The following GIMAP8 variants were observed in gnomAD, a reference collection of about 807,000 sequenced individuals.
GIMAP8 encodes GTPase, IMAP family member 8, also known as GTPase IMAP family member 8.
GIMAP8 carries 29 observed loss-of-function variants against 35.6 expected under a neutral mutation model. The ratio of observed to expected loss-of-function variants is 0.81; its 90% CI spans 0.61 to 1.11. The LOEUF (loss-of-function observed/expected upper bound fraction) is 1.11. Among genes scored for constraint, GIMAP8 ranks in the 50% most tolerant of loss-of-function variants. GIMAP8 has a pLI of 0.00. For synonymous variants in GIMAP8, 335 were observed against 308.7 expected, an observed-to-expected ratio of 1.09 and a Z score of -0.89; for missense variants, 811 against 805.0, an observed-to-expected ratio of 1.01 and a Z score of -0.09.
chr7:150,467,290 G>A lies in GIMAP8; in HGVS notation c.592G>A (p.Gly198Arg), dbSNP rs764523607. 10 of 1,614,142 alleles carry A rather than the reference G, an allele frequency of 6.2e-6. No individual in the cohort carries two copies. The East Asian group carries it at 1.1e-4, about 18-fold the overall frequency. The change falls in exon 2 of 5, where the codon GGA becomes AGA. Residue 198 changes from glycine to arginine, a missense_variant. By Grantham distance (125) the Gly-to-Arg change is moderately radical. Transcript: ENST00000307271. ...TGAGTCTTTGGTGAATACGAACGGA[G>A]GACCCTATCATGTGAACTTCAAAAC... ...KVESLVNTNG[G>R]PYHVNFKTEG...
At chr7:150,474,727 C>CTT (rs367882588) in intron 4 of GIMAP8, 89 bp downstream of exon 4, 21 of 873,612 alleles carry the variant, frequency 2.4e-5, no homozygotes, top group Non-Finnish European at 2.7e-5. Flanking sequence ...TCTTTTTTTT[C>CTT]TTTTTTTTTA....
At position 150,477,786 on chromosome 7, in the gene GIMAP8, C is replaced by G; in HGVS notation, c.*6C>G. ...TAATAGGTATTTTACAATAGGTAGC[C>G]GAAGTGCCTGGGGTCTCTTCAATTA... On this transcript the variant is annotated 3_prime_UTR_variant, in exon 5 of 5. Coordinates refer to ENST00000307271, the MANE Select transcript of GIMAP8 (RefSeq NM_175571.4). 1 of 1,606,996 alleles carries G rather than the reference C, an allele frequency of 6.2e-7. No homozygotes were observed. The highest frequency in any genetic ancestry group is 8.5e-7 in the Non-Finnish European group (1 of 1,175,944).
chr7:150,473,934 G>T, intron 3 of GIMAP8, 78 bp from the exon 4 acceptor site: 1 of 1,441,730 alleles, frequency 6.9e-7, no homozygotes, highest in Non-Finnish European at 9.4e-7. Context: ...AGTTTGCAGG[G>T]ATGAGAAATC....
chr7:150,478,542 A>G lies in GIMAP8; in HGVS notation c.*762A>G, dbSNP rs539807010. On this transcript the variant is annotated 3_prime_UTR_variant, in exon 5 of 5. Transcript: ENST00000307271. ...TCAGAGAATCTTGCAAAGTTCTGTA[A>G]TTCTAAGTGTTGTTCTAGATTTCCT... 2.6e-5 allele frequency: 4 copies of G among 152,354 alleles called. No individual in the cohort carries two copies. Among genetic ancestry groups the G allele is most frequent in the African/African-American group, 9.6e-5 (4 of 41,590 alleles). The allele number at this position is 152,354 out of a possible 1,614,324, so 9.4% of individuals were successfully genotyped here.
chr7:150,478,549 GTGT>G lies in GIMAP8; in HGVS notation c.*774_*776del, dbSNP rs1259653945. The G allele has an allele frequency of 6.6e-6, 1 of 152,332 alleles. No homozygotes were observed. The highest frequency in any genetic ancestry group is 2.4e-5 in the African/African-American group (1 of 41,576). 9.4% of individuals were successfully genotyped at this position (152,332 alleles called of 1,614,324 possible). On this transcript the variant is annotated 3_prime_UTR_variant, in exon 5 of 5. Transcript: ENST00000307271. ...ATCTTGCAAAGTTCTGTAATTCTAA[GTGT>G]TGTTCTAGATTTCCTCTAGAGAAGG...
Position 150,466,747 on chromosome 7 carries a change from G to C in GIMAP8, c.49G>C (p.Gly17Arg). 5 of 1,614,208 alleles carry C rather than the reference G, an allele frequency of 3.1e-6. No individual in the cohort carries two copies. The highest frequency in any genetic ancestry group is 4.2e-6 in the Non-Finnish European group (5 of 1,180,022). Reference sequence around the variant, plus strand: ...GTCCGAACTGCGGCTCCTCCTCCTGGGAAAATGCCGCTCGGGAAAAAGTGC... The same window carrying C: ...GTCCGAACTGCGGCTCCTCCTCCTGCGAAAATGCCGCTCGGGAAAAAGTGC... ...QMSELRLLLL[G>R]KCRSGKSATG... The change falls in exon 2 of 5, where the codon GGA (glycine) becomes CGA (arginine). Residue 17 changes from glycine (G) to arginine (R), a missense_variant. Physicochemically the swap from Gly to Arg is moderately radical, Grantham distance 125. Transcript: ENST00000307271.
At position 150,451,667 on chromosome 7, in the gene GIMAP8, C is replaced by T. The variant is rs1022041342; in HGVS notation, c.-29+492C>T. Among the ~76,000 whole-genome samples the T allele has an allele frequency of 6.6e-6, 1 of 152,154 alleles. No individual in the cohort carries two copies. Among genetic ancestry groups the T allele is most frequent in the African/African-American group, 2.4e-5 (1 of 41,420 alleles). ...GCTAGATGGTGCCGCAGAGCAGCCCCCAGGAGGAAGCCAGCGGAGCTCCTC... is the reference window on the plus strand; with the variant it reads ...GCTAGATGGTGCCGCAGAGCAGCCCTCAGGAGGAAGCCAGCGGAGCTCCTC... On this transcript the variant is annotated intron_variant, in intron 1 of 4. Transcript: ENST00000307271. The surrounding 1 kb of genome is among the most constrained non-coding windows in gnomAD (Gnocchi z 4.1).
At chr7:150,461,546 G>T (rs982024520) in intron 1 of GIMAP8, among the ~76,000 whole-genome samples, 2 of 151,600 alleles carry the variant, frequency 1.3e-5, no homozygotes, top group Admixed American at 6.6e-5. Context: ...GCATGTTTTT[G>T]GTTTCTGTTT....
chr7:150,464,207 G>C (rs1801903512), intron 1 of GIMAP8, among the ~76,000 whole-genome samples: 3 of 152,156 alleles, frequency 2.0e-5, no homozygotes, highest in African/African-American at 7.2e-5. Flanking sequence ...AACCTAAAAT[G>C]CTCATTTACA....
intron 1 of GIMAP8, among the ~76,000 whole-genome samples, chr7:150,463,445 A>C (rs57869719): frequency 0.021 from 3,165 of 152,288 alleles, 129 homozygotes; most frequent in African/African-American, 0.073. Flanking sequence ...CACTATGTGC[A>C]TCTGGTGTAA....
chr7:150,473,032 G>A (rs781153480), intron 3 of GIMAP8, among the ~76,000 whole-genome samples: 1 of 152,180 alleles, frequency 6.6e-6, no homozygotes, highest in Non-Finnish European at 1.5e-5. Context: ...AAACAGATTC[G>A]CAAAGCGGTA....
In GIMAP8 at chr7:150,466,932, C is replaced by G. The variant is rs778674333; in HGVS notation, c.234C>G (p.Asp78Glu). The change falls in exon 2 of 5, where the codon GAC (aspartate) becomes GAG (glutamate). Residue 78 changes from aspartate (D) to glutamate (E), a missense_variant. Transcript: ENST00000307271. ...DLFSSIACAE[D>E]KQRNIQHCLE... Reference sequence around the variant, plus strand: ...TCTCCTCAATAGCTTGTGCTGAAGACAAGCAACGCAACATCCAACACTGCT... The same window carrying G: ...TCTCCTCAATAGCTTGTGCTGAAGAGAAGCAACGCAACATCCAACACTGCT... The G allele has an allele frequency of 7.4e-6, 12 of 1,614,094 alleles. No individual in the cohort carries two copies. The highest frequency in any genetic ancestry group is 1.0e-5 in the Non-Finnish European group (12 of 1,180,032).
intron 4 of GIMAP8, 71 bp downstream of exon 4, chr7:150,474,709 T>C: frequency 1.0e-6 from 1 of 994,190 alleles, no homozygotes; most frequent in Admixed American, 3.6e-5. Flanking sequence ...TATAAGAACT[T>C]TTTATTTTCT....
intron 1 of GIMAP8, among the ~76,000 whole-genome samples, chr7:150,462,369 G>A (rs1468231011): frequency 6.6e-6 from 1 of 152,028 alleles, no homozygotes; most frequent in African/African-American, 2.4e-5. Context: ...GAAATTTGGT[G>A]GTTTTCTATA....
At chr7:150,459,146 T>C (rs1403827583) in intron 1 of GIMAP8, among the ~76,000 whole-genome samples, 2 of 152,224 alleles carry the variant, frequency 1.3e-5, no homozygotes, top group Non-Finnish European at 2.9e-5. Flanking sequence ...CCATTGACTT[T>C]AATCACAGGA....
intron 1 of GIMAP8, among the ~76,000 whole-genome samples, chr7:150,452,547 C>T (rs563577569): frequency 4.9e-5 from 7 of 143,150 alleles, no homozygotes; most frequent in African/African-American, 2.1e-4. Flanking sequence ...AGAGACATCT[C>T]ACTTCACTTG....
chr7:150,453,403 G>A (rs946195267), intron 1 of GIMAP8, among the ~76,000 whole-genome samples: 11 of 152,220 alleles, frequency 7.2e-5, no homozygotes, highest in Non-Finnish European at 2.9e-5. Flanking sequence ...CCTCTGCCAA[G>A]GCCCTTGTGG....
intron 4 of GIMAP8, among the ~76,000 whole-genome samples, chr7:150,475,355 C>G (rs1463483768): frequency 6.6e-6 from 1 of 152,182 alleles, no homozygotes; most frequent in Non-Finnish European, 1.5e-5. Flanking sequence ...TAACTCTTTT[C>G]TCTTTCTTTG....
intron 2 of GIMAP8, among the ~76,000 whole-genome samples, chr7:150,470,340 A>G (rs779845238): frequency 1.3e-5 from 2 of 152,198 alleles, no homozygotes; most frequent in Non-Finnish European, 2.9e-5. Context: ...GTTCATCAAG[A>G]TTGCATACTG....
Sources: gnomAD v4.1 joint callset for allele counts (sites outside exome capture counted in the v4.1 genomes callset) on GRCh38, gnomAD v4.1.1 for gene constraint, Gnocchi (gnomAD v3.1) non-coding constraint, MANE v1.5 for transcripts, NCBI Gene and HGNC (gene_info 2026-07-23, HGNC 2026-07-21) for gene names.